The following MAU2 variants were observed in gnomAD, a reference collection of about 807,000 sequenced individuals.
The protein encoded by MAU2 is MAU2 sister chromatid cohesion factor.
Under a neutral mutation model 89.1 loss-of-function variants are expected in MAU2, and 9 were observed. The ratio of observed to expected loss-of-function variants is 0.10; its 90% CI spans 0.06 to 0.18. MAU2 has a LOEUF of 0.18. MAU2 is among the 10% of genes least tolerant of loss of function. MAU2 has a pLI of 1.00. For missense variants in MAU2, 425 were observed against 803.5 expected (o/e 0.53, Z 5.69); for synonymous variants, 357 against 343.4 (o/e 1.04, Z -0.44).
chr19:19,330,778 G>C (rs2061549401), intron 1 of MAU2, among the ~76,000 whole-genome samples: 2 of 152,042 alleles, frequency 1.3e-5, no homozygotes, highest in African/African-American at 4.8e-5. Context: ...AGATGCACCT[G>C]TAGTCCCAGC....
intron 1 of MAU2, among the ~76,000 whole-genome samples, chr19:19,328,175 A>AAAG (rs2061526658): frequency 6.6e-6 from 1 of 151,882 alleles, no homozygotes; most frequent in South Asian, 2.1e-4. Context: ...AAAAAAAAAA[A>AAAG]AAATTTTGCA....
At chr19:19,341,133 C>T (rs767670612) in intron 6 of MAU2, 119 bp from the exon 7 acceptor site, 324 of 1,276,868 alleles carry the variant, frequency 2.5e-4, no homozygotes, top group Non-Finnish European at 3.3e-4. Flanking sequence ...TCAGGCTGGC[C>T]TTGCCCTCTG....
rs1363144362 is a variant in MAU2 at position 19,338,827 on chromosome 19, G to A, written c.457-18G>A. On this transcript the variant is annotated intron_variant, in intron 4 of 18. Coordinates refer to ENST00000262815, the MANE Select transcript of MAU2 (RefSeq NM_015329.4). ...GATGGGTTTGGCAGCAAAGGTCACT[G>A]CTCTCTTTCCTTTTTAGCAACTGCA... 3 of 1,598,010 alleles carry A rather than the reference G, an allele frequency of 1.9e-6. No individual in the cohort carries two copies. The highest frequency in any genetic ancestry group is 2.6e-6 in the Non-Finnish European group (3 of 1,168,504).
chr19:19,326,615 G>A (rs541875891), intron 1 of MAU2, among the ~76,000 whole-genome samples: 150 of 150,258 alleles, frequency 1.0e-3, no homozygotes, highest in African/African-American at 3.1e-3. Context: ...GAACCCGGGC[G>A]GCGGAGCTTG....
chr19:19,322,336 T>C (rs2061467367), intron 1 of MAU2, among the ~76,000 whole-genome samples: 1 of 152,212 alleles, frequency 6.6e-6, no homozygotes, highest in Non-Finnish European at 1.5e-5. Context: ...CAGTGGCTTA[T>C]GTCTGTAATC....
rs949618957 is a variant in MAU2, at chr19:19,356,852, C to G, written c.*1070C>G. ...GCAGCGTTTGGTTTTATCCACTTTT[C>G]TTGGATAATCAGGAGGTGCCCCAGT... On this transcript the variant is annotated 3_prime_UTR_variant, in exon 19 of 19. Coordinates refer to ENST00000262815, the MANE Select transcript of MAU2 (RefSeq NM_015329.4). 1 of 152,322 alleles carries G rather than the reference C, an allele frequency of 6.6e-6. No homozygotes were observed. The highest frequency in any genetic ancestry group is 2.4e-5 in the African/African-American group (1 of 41,466). 9.4% of individuals were successfully genotyped at this position (152,322 alleles called of 1,614,324 possible).
At chr19:19,323,999 A>C (rs1271064295) in intron 1 of MAU2, among the ~76,000 whole-genome samples, 1 of 152,228 alleles carries the variant, frequency 6.6e-6, no homozygotes, top group East Asian at 1.9e-4. Flanking sequence ...CATTCAACAG[A>C]TACTTGTTCA....
At chr19:19,349,852 G>A (rs1003916752) in intron 16 of MAU2, among the ~76,000 whole-genome samples, 3 of 152,150 alleles carry the variant, frequency 2.0e-5, no homozygotes, top group Admixed American at 2.0e-4. Context: ...TCCTCTCAGG[G>A]TACAAGTGGC....
chr19:19,343,813 C>T, intron 9 of MAU2, 24 bp from the exon 10 acceptor site: 1 of 1,588,086 alleles, frequency 6.3e-7, no homozygotes, highest in Admixed American at 1.7e-5. Context: ...CCCCTGCATG[C>T]TTACCCCTGA....
rs140913237 is a variant in MAU2 at position 19,344,844 on chromosome 19, G to T, written c.1078-5G>T. On this transcript the variant is annotated splice_region_variant and splice_polypyrimidine_tract_variant and intron_variant, in intron 10 of 18. Transcript: ENST00000262815. The stretch of plus-strand genomic sequence containing the variant: ...CTGTGATGGCAGTACACTCTCTCCC[G>T]GCAGATCTCCCAGGTCTGCCAGCTG... 2,560 of 1,613,068 alleles carry T rather than the reference G, an allele frequency of 1.6e-3. 4 individuals are homozygous for T. The highest frequency in any genetic ancestry group is 2.1e-3 in the Non-Finnish European group (2,469 of 1,179,588).
rs189656626 is a variant in MAU2, at chr19:19,354,548, C to T, written c.1639+103C>T. On this transcript the variant is annotated intron_variant, in intron 17 of 18. Coordinates refer to ENST00000262815, the MANE Select transcript of MAU2 (RefSeq NM_015329.4). The stretch of plus-strand genomic sequence containing the variant: ...CTCAGCCTTAGCTCGGACTAGGCCT[C>T]CGTGGGCCGCAGCCCCAGTTCTAGC... The T allele has an allele frequency of 1.1e-4, 110 of 995,992 alleles. No homozygotes were observed. In the African/African-American group the frequency reaches 1.4e-3, roughly 12 times the overall value. The allele number at this position is 995,992 out of a possible 1,614,324, so 61.7% of individuals were successfully genotyped here. A position where few individuals can be genotyped will look rare whatever the true frequency, so the allele number is the denominator to read the frequency against.
intron 17 of MAU2, 45 bp from the exon 18 acceptor site, chr19:19,355,219 A>T (rs2048163995): frequency 1.9e-6 from 3 of 1,612,088 alleles, no homozygotes. Flanking sequence ...GGGCCTGGGC[A>T]GTGACAGGGC....
At chr19:19,326,846 C>T (rs976890150) in intron 1 of MAU2, among the ~76,000 whole-genome samples, 3 of 149,632 alleles carry the variant, frequency 2.0e-5, no homozygotes, top group Non-Finnish European at 3.0e-5. Flanking sequence ...GAGCTGTGAT[C>T]GTGCCACTGC....
chr19:19,348,793 G>A (rs996387975), intron 13 of MAU2, 96 bp from the exon 14 acceptor site: 18 of 1,340,252 alleles, frequency 1.3e-5, no homozygotes, highest in East Asian at 9.2e-5. Context: ...CAGTCCCGAC[G>A]GGGGTGTAGA....
At chr19:19,331,545 G>T (rs548203990) in intron 1 of MAU2, among the ~76,000 whole-genome samples, 1 of 151,954 alleles carries the variant, frequency 6.6e-6, no homozygotes, top group Admixed American at 6.6e-5. Context: ...CCTTGGGTAA[G>T]GCATTCTACA....
chr19:19,322,428 G>A (rs1390526462), intron 1 of MAU2, among the ~76,000 whole-genome samples: 5 of 152,252 alleles, frequency 3.3e-5, no homozygotes, highest in South Asian at 4.1e-4. Flanking sequence ...GTGAGATCCC[G>A]TCTCTACAAA....
chr19:19,334,991 T>C (rs376836307), intron 1 of MAU2, among the ~76,000 whole-genome samples: 5 of 152,208 alleles, frequency 3.3e-5, no homozygotes, highest in African/African-American at 1.2e-4. Flanking sequence ...AGCGTTAGGC[T>C]TGTGTGCTTG....
At chr19:19,349,780 G>A (rs1370437533) in intron 16 of MAU2, among the ~76,000 whole-genome samples, 1 of 152,112 alleles carries the variant, frequency 6.6e-6, no homozygotes, top group Non-Finnish European at 1.5e-5. Context: ...GACACCTGAG[G>A]GGCAGAGAGG....
intron 17 of MAU2, 79 bp from the exon 18 acceptor site, chr19:19,355,185 G>A: frequency 7.0e-6 from 11 of 1,573,152 alleles, no homozygotes; most frequent in Non-Finnish European, 7.8e-6. Flanking sequence ...CTTGACCTTA[G>A]GGCTCCATCT....
Sources: allele counts gnomAD v4.1 joint callset (sites outside exome capture counted in the v4.1 genomes callset), GRCh38; gene constraint gnomAD v4.1.1; transcripts MANE v1.5; gene names NCBI Gene and HGNC (gene_info 2026-07-23, HGNC 2026-07-21).